The following KCNH2 variants were observed in gnomAD, a reference collection of about 807,000 sequenced individuals.
The protein encoded by KCNH2 is potassium voltage-gated channel subfamily H member 2.
KCNH2 carries 35 observed loss-of-function variants against 95.9 expected under a neutral mutation model. The ratio of observed to expected loss-of-function variants is 0.37; its 90% CI spans 0.28 to 0.48. KCNH2 has a LOEUF of 0.48. Among genes scored for constraint, KCNH2 ranks in the 20% least tolerant of loss-of-function variants. The pLI is 0.99. For synonymous variants in KCNH2, 786 were observed against 754.7 expected (o/e 1.04, Z -0.68); for missense variants, 1,274 against 1,702.9 (o/e 0.75, Z 4.43).
intron 9 of KCNH2, chr7:150,949,331 C>G (rs1347250270): frequency 2.2e-6 from 3 of 1,348,442 alleles, no homozygotes; most frequent in Admixed American, 6.3e-5. Flanking sequence ...CAAACACCCT[C>G]TTAGCCAATC....
rs1369376257 is a variant in KCNH2 at position 150,947,006 on chromosome 7, T to C, written c.3201A>G (p.Leu1067=). The change falls in exon 14 of 15, where the codon CTA becomes CTG. Residue 1067 remains leucine (L), a synonymous_variant. Transcript: ENST00000262186. The stretch of plus-strand genomic sequence containing the variant: ...GCGGGACCAGCGTCATCTGCCTCTG[T>C]AGCAGCTGCAGGACAGTGGCCATGT... ...SADMATVLQL[L]QRQMTLVPPA... 6.2e-7 allele frequency: 1 copy of C among 1,610,618 alleles called. No individual in the cohort carries two copies. The highest frequency in any genetic ancestry group is 8.5e-7 in the Non-Finnish European group (1 of 1,177,940).
intron 1 of KCNH2, 108 bp from the exon 2 acceptor site, chr7:150,975,049 A>AC: frequency 1.0e-6 from 1 of 962,164 alleles, no homozygotes; most frequent in East Asian, 2.7e-5. Context: ...ACTCCCCGCC[A>AC]CAGGAAGCAT....
At chr7:150,974,665 T>C (rs1170547970) in intron 2 of KCNH2, 46 bp downstream of exon 2, 11 of 340,100 alleles carry the variant, frequency 3.2e-5, no homozygotes, top group East Asian at 1.6e-4. Flanking sequence ...GTCCCGCCCC[T>C]CTTGACCCCG....
rs759492534 is a variant in KCNH2 at position 150,947,724 on chromosome 7, G to C, written c.2847C>G (p.Ser949Arg). The C allele has an allele frequency of 1.3e-6, 2 of 1,569,288 alleles. No homozygotes were observed. Among genetic ancestry groups the C allele is most frequent in the Non-Finnish European group, 1.7e-6 (2 of 1,160,176 alleles). Residue 949 changes from serine (S) to arginine (R), a missense_variant, in exon 12 of 15, where the codon AGC becomes AGG. Transcript: ENST00000262186. The stretch of plus-strand genomic sequence containing the variant: ...AGGGCACCAGGCGGAGGGGGCTGGA[G>C]CTGCGGCCTGGGCCCTCATCCTCAC... ...ESSEDEGPGR[S>R]SSPLRLVPFS...
At chr7:150,965,734 G>T (rs1215293731) in intron 2 of KCNH2, among the ~76,000 whole-genome samples, 3 of 152,222 alleles carry the variant, frequency 2.0e-5, no homozygotes, top group African/African-American at 7.2e-5. Context: ...ACACTGGCCG[G>T]GCTTCCCCGT....
In KCNH2 at chr7:150,959,611, T is replaced by C; in HGVS notation, c.433A>G (p.Thr145Ala). 6.2e-7 allele frequency: 1 copy of C among 1,614,046 alleles called. No homozygotes were observed. The highest frequency in any genetic ancestry group is 8.5e-7 in the Non-Finnish European group (1 of 1,179,990). ...CTGGTGGGGGGGCCCCGGTGGTTGG[T>C]GTCATGAGCCGGGGACCCCACCATG... Reference protein sequence around the residue: ...KDMVGSPAHDTNHRGPPTSWL... With the variant: ...KDMVGSPAHDANHRGPPTSWL... Residue 145 changes from threonine (T) to alanine (A), a missense_variant, in exon 3 of 15, where the codon ACC becomes GCC. By Grantham distance (58) the Thr-to-Ala change is moderately conservative. Transcript: ENST00000262186.
chr7:150,959,541 CCT>C (rs752801460), intron 3 of KCNH2, 29 bp downstream of exon 3: 4 of 1,612,604 alleles, frequency 2.5e-6, no homozygotes, highest in South Asian at 2.2e-5. Context: ...ACCACGAACC[CCT>C]GAGCCTGCCC....
In KCNH2 at chr7:150,952,932, G is replaced by A. The variant is rs1212592411; in HGVS notation, c.1129-79C>T. On this transcript the variant is annotated intron_variant, in intron 5 of 14. Coordinates refer to ENST00000262186, the MANE Select transcript of KCNH2 (RefSeq NM_000238.4). This position sits in a 1 kb window ranked among gnomAD's most constrained non-coding sequence, Gnocchi z 7.3. ...GCAGGAGCGATGACATCTCTGCCGG[G>A]GCCAAGCAGAATGAGGAGGAGGCCA... is the stretch of plus-strand genomic sequence containing the variant. 9 of 1,410,082 alleles carry A rather than the reference G, an allele frequency of 6.4e-6. No individual in the cohort carries two copies. The highest frequency in any genetic ancestry group is 8.8e-6 in the Non-Finnish European group (9 of 1,017,752). The allele number at this position is 1,410,082 out of a possible 1,614,324, so 87.3% of individuals were successfully genotyped here.
chr7:150,956,882 C>G (rs1173000051), intron 5 of KCNH2, among the ~76,000 whole-genome samples: 2 of 152,132 alleles, frequency 1.3e-5, no homozygotes. Context: ...TTGAAGCCTC[C>G]CAGTTGGCTT....
Position 150,949,010 on chromosome 7 carries a change from G to C in KCNH2, c.2438C>G (p.Ala813Gly). 1 of 1,614,212 alleles carries C rather than the reference G, an allele frequency of 6.2e-7. No homozygotes were observed. The highest frequency in any genetic ancestry group is 1.1e-5 in the South Asian group (1 of 91,084). The change falls in exon 10 of 15, where the codon GCA becomes GGA. Residue 813 changes from alanine (A) to glycine (G), a missense_variant. Transcript: ENST00000262186. ...ATCCCCGTTCGACTTGCCAGGCCTT[G>C]CATACAGGTTCAGAGGCTCCCCAAA... Reference protein sequence around the residue: ...DIFGEPLNLYARPGKSNGDVR... With the variant: ...DIFGEPLNLYGRPGKSNGDVR...
intron 2 of KCNH2, 166 bp from the exon 3 acceptor site, chr7:150,959,902 CTGCCGCCCTTA>C: frequency 1.3e-6 from 1 of 794,688 alleles, no homozygotes; most frequent in Admixed American, 2.0e-5. Context: ...GGCCATGTGC[CTGCCGCCCTTA>C]TGGCTCCCCT....
At chr7:150,956,277 A>G (rs536550461) in intron 5 of KCNH2, among the ~76,000 whole-genome samples, 1 of 152,158 alleles carries the variant, frequency 6.6e-6, no homozygotes, top group East Asian at 1.9e-4. Flanking sequence ...GGTGAGGGGG[A>G]ATGCTCTGGA....
chr7:150,972,703 C>G (rs1801871021), intron 2 of KCNH2, among the ~76,000 whole-genome samples: 2 of 152,226 alleles, frequency 1.3e-5, no homozygotes, highest in South Asian at 4.1e-4. Context: ...GGCTGGGGAT[C>G]TGGGTTCTAA....
In KCNH2 at chr7:150,951,505, C is replaced by T. The variant is rs199472958; in HGVS notation, c.1888G>A (p.Val630Ile). 1.1e-5 allele frequency: 17 copies of T among 1,614,106 alleles called. No individual in the cohort carries two copies. The highest frequency in any genetic ancestry group is 1.6e-4 in the Middle Eastern group (1 of 6,084). ...SSLTSVGFGN[V>I]SPNTNSEKIF... The stretch of plus-strand genomic sequence containing the variant: ...TTCTCTGAGTTGGTGTTGGGAGAGA[C>T]GTTGCCGAAGCCCACACTGGTGAGG... Residue 630 changes from valine (V) to isoleucine (I), a missense_variant, in exon 7 of 15, where the codon GTC (valine) becomes ATC (isoleucine). By Grantham distance (29) the Val-to-Ile change is conservative (BLOSUM62 3). Around this residue, in one of 7 missense-constraint regions of KCNH2, gnomAD observed 147 missense variants for 344.4 expected, o/e 0.43. Transcript: ENST00000262186.
At chr7:150,951,426 G>T in intron 7 of KCNH2, 22 bp downstream of exon 7, 1 of 1,613,070 alleles carries the variant, frequency 6.2e-7, no homozygotes, top group Non-Finnish European at 8.5e-7. Context: ...TCTCCCCGCC[G>T]CCCGCCCCTG....
chr7:150,955,701 G>C, intron 5 of KCNH2: 2 of 1,352,664 alleles, frequency 1.5e-6, no homozygotes, highest in Non-Finnish European at 1.9e-6. Flanking sequence ...AGTAAGCGTG[G>C]GCAGCAGCCT....
Position 150,962,587 on chromosome 7 carries a change from C to G in KCNH2, c.308-2851G>C, listed in dbSNP as rs1387361713. Among the ~76,000 whole-genome samples the G allele has an allele frequency of 6.7e-6, 1 of 148,814 alleles. No homozygotes were observed. Among genetic ancestry groups the G allele is most frequent in the Non-Finnish European group, 1.5e-5 (1 of 66,900 alleles). Reference sequence around the variant, plus strand: ...ACTCTAGGTATACGCCACCTCACAGCACAAGCCTGTAACTCACACTTACAC... The same window carrying G: ...ACTCTAGGTATACGCCACCTCACAGGACAAGCCTGTAACTCACACTTACAC... On this transcript the variant is annotated intron_variant, in intron 2 of 14. Coordinates refer to ENST00000262186, the MANE Select transcript of KCNH2 (RefSeq NM_000238.4). This position sits in a 1 kb window ranked among gnomAD's most constrained non-coding sequence, Gnocchi z 5.7.
At chr7:150,948,753 GA>G (rs1801020402) in intron 10 of KCNH2, 102 bp downstream of exon 10, 1 of 1,210,976 alleles carries the variant, frequency 8.3e-7, no homozygotes, top group East Asian at 2.4e-5. Context: ...GACAGACAGG[GA>G]AACTGAGACA....
chr7:150,960,877 C>G lies in KCNH2; in HGVS notation c.308-1141G>C, dbSNP rs528427986. Reference sequence around the variant, plus strand: ...CTGCTGCCCCACCGCCCCCCGCCCCCCAACCCGTGCTGATTTCTGAAGGAG... The same window carrying G: ...CTGCTGCCCCACCGCCCCCCGCCCCGCAACCCGTGCTGATTTCTGAAGGAG... On this transcript the variant is annotated intron_variant, in intron 2 of 14. Coordinates refer to ENST00000262186, the MANE Select transcript of KCNH2 (RefSeq NM_000238.4). 2.6e-5 allele frequency among the ~76,000 whole-genome samples: 4 copies of G among 151,770 alleles called. No homozygotes were observed. In the East Asian group the frequency reaches 5.8e-4, roughly 22 times the overall value.
Sources: gnomAD v4.1 joint callset for allele counts (sites outside exome capture counted in the v4.1 genomes callset) on GRCh38, gnomAD v4.1.1 for gene constraint, gnomAD v4.1.1 regional missense constraint, Gnocchi (gnomAD v3.1) non-coding constraint, MANE v1.5 for transcripts, NCBI Gene and HGNC (gene_info 2026-07-23, HGNC 2026-07-21) for gene names.